The following RGS7 variants were observed in gnomAD, a reference collection of about 807,000 sequenced individuals.
RGS7 encodes regulator of G protein signaling 7.
RGS7 carries 27 observed loss-of-function variants against 81.1 expected under a neutral mutation model. The ratio of observed to expected loss-of-function variants is 0.33; its 90% confidence interval spans 0.25 to 0.46. The LOEUF is 0.46. Ranked by LOEUF, RGS7 falls within the 20% of genes least tolerant of loss-of-function variation. RGS7 has a pLI of 1.00. For missense variants in RGS7, 396 were observed against 607.4 expected, an observed-to-expected ratio of 0.65 and a Z score of 3.66; for synonymous variants, 208 against 207.7, an observed-to-expected ratio of 1.00 and a Z score of -0.01.
chr1:241,310,094 C>G (rs2080417271), intron 2 of RGS7, among the ~76,000 whole-genome samples: 1 of 152,164 alleles, frequency 6.6e-6, no homozygotes, highest in Non-Finnish European at 1.5e-5. Flanking sequence ...AAGCAATATT[C>G]CATTACAATA....
intron 2 of RGS7, among the ~76,000 whole-genome samples, chr1:241,265,137 T>C (rs1304264354): frequency 1.3e-5 from 2 of 152,230 alleles, no homozygotes; most frequent in Non-Finnish European, 2.9e-5. Flanking sequence ...ATCCCCTGAT[T>C]GTTCACCGTG....
Position 241,301,774 on chromosome 1 carries a change from T to C in RGS7, c.78+53925A>G, listed in dbSNP as rs112202363. On this transcript the variant is annotated intron_variant, in intron 2 of 18. Transcript: ENST00000440928. ...TCTTAAAAGTTTTCTACCTCTGCAC[T>C]TAAGTGTAGAAACAAGCTTATGCTG... Among the ~76,000 whole-genome samples the C allele has an allele frequency of 6.2e-3, 939 of 152,344 alleles. 8 individuals are homozygous for C. The highest frequency in any genetic ancestry group is 0.021 in the African/African-American group (884 of 41,576).
intron 2 of RGS7, among the ~76,000 whole-genome samples, chr1:241,329,111 T>C (rs2081802946): frequency 6.6e-6 from 1 of 152,236 alleles, no homozygotes; most frequent in Non-Finnish European, 1.5e-5. Context: ...ATCTGTAAAA[T>C]GCCAATAACA....
At chr1:241,014,162 T>C (rs187892217) in intron 3 of RGS7, among the ~76,000 whole-genome samples, 296 of 152,338 alleles carry the variant, frequency 1.9e-3, no homozygotes, top group African/African-American at 6.9e-3. Flanking sequence ...CTTCTTCTCT[T>C]GATGAAAATA....
intron 6 of RGS7, 119 bp downstream of exon 6, chr1:240,930,598 T>C: frequency 2.1e-6 from 2 of 933,862 alleles, no homozygotes; most frequent in Admixed American, 3.7e-5. Flanking sequence ...TTAAAAATAT[T>C]GGTCCCATCC....
intron 12 of RGS7, among the ~76,000 whole-genome samples, chr1:240,814,494 G>A (rs1044173689): frequency 6.6e-6 from 1 of 152,182 alleles, no homozygotes; most frequent in Non-Finnish European, 1.5e-5. Context: ...AGGACTGGAT[G>A]TCTAGACATT....
chr1:241,257,806 G>C (rs10926441), intron 2 of RGS7, among the ~76,000 whole-genome samples: 19,740 of 152,124 alleles, frequency 0.13, 1,424 homozygotes, highest in East Asian at 0.21. Context: ...ATGCTTCACT[G>C]TATTTCATGC....
chr1:241,254,198 CAAAA>C (rs57205542), intron 2 of RGS7, among the ~76,000 whole-genome samples: 2 of 64,362 alleles, frequency 3.1e-5, no homozygotes, highest in African/African-American at 6.5e-5. Flanking sequence ...GACTCCATCT[CAAAA>C]AAAAAAAAAA....
chr1:240,781,996 T>C (rs572672933), intron 18 of RGS7, among the ~76,000 whole-genome samples: 44 of 148,892 alleles, frequency 3.0e-4, no homozygotes, highest in Admixed American at 1.4e-3. Context: ...GCCTGGGCAA[T>C]AGAGTGAGAC....
chr1:241,139,812 A>G (rs2067797998), intron 2 of RGS7, among the ~76,000 whole-genome samples: 1 of 152,260 alleles, frequency 6.6e-6, no homozygotes, highest in African/African-American at 2.4e-5. Flanking sequence ...ATTTCAAAAT[A>G]CATTCATTTG....
intron 18 of RGS7, among the ~76,000 whole-genome samples, chr1:240,794,190 T>G (rs1047591710): frequency 6.6e-6 from 1 of 152,072 alleles, no homozygotes; most frequent in East Asian, 1.9e-4. Context: ...TTACCATGCC[T>G]ACAACTTCAT....
At chr1:240,915,084 G>A (rs1350926923) in intron 6 of RGS7, among the ~76,000 whole-genome samples, 3 of 152,132 alleles carry the variant, frequency 2.0e-5, no homozygotes, top group South Asian at 4.1e-4. Context: ...TGAGGGTCAG[G>A]GAGAAATTTC....
At chr1:241,175,688 C>G (rs1375752071) in intron 2 of RGS7, among the ~76,000 whole-genome samples, 2 of 152,082 alleles carry the variant, frequency 1.3e-5, no homozygotes, top group African/African-American at 4.8e-5. Context: ...CACCACAGAG[C>G]AGGGAGAGGG....
At chr1:241,103,204 C>T (rs2064887888) in intron 2 of RGS7, among the ~76,000 whole-genome samples, 1 of 151,990 alleles carries the variant, frequency 6.6e-6, no homozygotes, top group Non-Finnish European at 1.5e-5. Context: ...TACACACACG[C>T]ATATATATGC....
chr1:240,935,423 G>T lies in RGS7; in HGVS notation c.333+1177C>A, dbSNP rs373361242. Among the ~76,000 whole-genome samples the T allele has an allele frequency of 1.1e-3, 160 of 152,272 alleles. 1 individual carries two copies. Among genetic ancestry groups the T allele is most frequent in the African/African-American group, 3.0e-3 (123 of 41,544 alleles). On this transcript the variant is annotated intron_variant, in intron 5 of 18. Transcript: ENST00000440928. ...TTAAGCTACCATTAGTGTAAGTTTTGCTGTATAAAGAATAAAGCTCCATTA... is the reference window on the plus strand; with the variant it reads ...TTAAGCTACCATTAGTGTAAGTTTTTCTGTATAAAGAATAAAGCTCCATTA...
intron 2 of RGS7, among the ~76,000 whole-genome samples, chr1:241,190,084 C>T (rs908423365): frequency 2.0e-5 from 3 of 151,042 alleles, no homozygotes; most frequent in East Asian, 1.9e-4. Context: ...GCCTGGGCGA[C>T]AGAGCAGACT....
chr1:241,131,184 G>A (rs969617582), intron 2 of RGS7, among the ~76,000 whole-genome samples: 5 of 151,876 alleles, frequency 3.3e-5, no homozygotes, highest in African/African-American at 1.2e-4. Flanking sequence ...TCATGCATGA[G>A]TCATATTGAT....
chr1:240,899,770 T>C (rs1669679834), intron 6 of RGS7, among the ~76,000 whole-genome samples: 3 of 152,142 alleles, frequency 2.0e-5, no homozygotes, highest in Admixed American at 2.0e-4. Flanking sequence ...TGTCTTAGAG[T>C]TGCTCTTCTC....
chr1:240,888,466 C>T (rs932956067), intron 6 of RGS7, among the ~76,000 whole-genome samples: 1 of 152,074 alleles, frequency 6.6e-6, no homozygotes, highest in South Asian at 2.1e-4. Context: ...TTTGTTTCAC[C>T]TTGTGCCCGG....
Sources: allele counts gnomAD v4.1 joint callset (sites outside exome capture counted in the v4.1 genomes callset), GRCh38; gene constraint gnomAD v4.1.1; transcripts MANE v1.5; gene names NCBI Gene and HGNC (gene_info 2026-07-23, HGNC 2026-07-21).